The following GLIS3 variants were observed in gnomAD, a reference collection of about 807,000 sequenced individuals.
GLIS3 encodes zinc finger protein GLIS3.
In GLIS3, 53 loss-of-function variants were observed where a neutral mutation model predicts 78.6. That is an observed-to-expected ratio of 0.67 (90% CI 0.54 to 0.85). GLIS3 has a LOEUF of 0.85. GLIS3 is among the 40% of genes least tolerant of loss of function. The probability of loss-of-function intolerance (pLI) is 0.00; values close to 1 mark genes in which losing one functional copy is unlikely to be tolerated. For missense variants in GLIS3, 1,703 were observed against 1,231.1 expected (o/e 1.38, Z -5.74); for synonymous variants, 684 against 509.9 (o/e 1.34, Z -4.60).
At chr9:4,194,578 C>T (rs142591271) in intron 2 of GLIS3, among the ~76,000 whole-genome samples, 2 of 152,178 alleles carry the variant, frequency 1.3e-5, no homozygotes, top group South Asian at 2.1e-4. Context: ...AAGATGAACT[C>T]TGTGAGCTTT....
intron 9 of GLIS3, among the ~76,000 whole-genome samples, chr9:3,832,775 A>G (rs1818123172): frequency 6.6e-6 from 1 of 152,190 alleles, no homozygotes; most frequent in Non-Finnish European, 1.5e-5. Context: ...CTCTCCTCAT[A>G]TTTGTCACCC....
intron 8 of GLIS3, among the ~76,000 whole-genome samples, chr9:3,878,165 A>G (rs1821449117): frequency 6.6e-6 from 1 of 151,966 alleles, no homozygotes; most frequent in South Asian, 2.1e-4. Context: ...GTCTTCCTTC[A>G]ATGCCTACAT....
intron 2 of GLIS3, among the ~76,000 whole-genome samples, chr9:4,344,407 G>C (rs544318202): frequency 6.6e-6 from 1 of 152,268 alleles, no homozygotes; most frequent in African/African-American, 2.4e-5. Context: ...TTTTCTCCTT[G>C]AAATATTCTC....
chr9:3,936,967 A>G, intron 5 of GLIS3, 61 bp downstream of exon 5: 2 of 1,604,056 alleles, frequency 1.2e-6, no homozygotes, highest in Admixed American at 3.3e-5. Flanking sequence ...CCCACTATCA[A>G]GCAGGCACTT....
chr9:4,376,105 T>TA, the GLIS3 span, among the ~76,000 whole-genome samples: 8 of 152,114 alleles, frequency 5.3e-5, no homozygotes, highest in Non-Finnish European at 1.0e-4. Flanking sequence ...ACAGTTGGGT[T>TA]AGCAATCTGG....
intron 9 of GLIS3, among the ~76,000 whole-genome samples, chr9:3,831,357 T>A (rs977702107): frequency 6.6e-6 from 1 of 152,148 alleles, no homozygotes; most frequent in Non-Finnish European, 1.5e-5. Flanking sequence ...TAATTGATCA[T>A]CCAATATGAG....
intron 2 of GLIS3, among the ~76,000 whole-genome samples, chr9:4,167,817 C>T (rs1316990469): frequency 3.3e-5 from 5 of 152,184 alleles, no homozygotes; most frequent in African/African-American, 9.7e-5. Flanking sequence ...CTGGTTTACA[C>T]GGCACCTATG....
intron 2 of GLIS3, among the ~76,000 whole-genome samples, chr9:4,158,878 G>C (rs1564131354): frequency 6.6e-6 from 1 of 152,212 alleles, no homozygotes; most frequent in South Asian, 2.1e-4. Flanking sequence ...TGGCAGAAAA[G>C]GCCTATGGAA....
the GLIS3 span, among the ~76,000 whole-genome samples, chr9:4,419,927 TTATAA>T: frequency 6.6e-6 from 1 of 152,178 alleles, no homozygotes; most frequent in Non-Finnish European, 1.5e-5. Flanking sequence ...TTGGGGATTA[TTATAA>T]TTGAACATGA....
chr9:4,309,077 T>C (rs1013318051), intron 3 of GLIS3: 7 of 152,226 alleles, frequency 4.6e-5, no homozygotes, highest in Non-Finnish European at 1.0e-4. Context: ...ACATAATGTA[T>C]GATAAAAGCA....
chr9:4,481,032 T>A, the GLIS3 span, among the ~76,000 whole-genome samples: 49 of 152,184 alleles, frequency 3.2e-4, 1 homozygote, highest in Middle Eastern at 0.02. Flanking sequence ...TTTTTTGTAT[T>A]TTTTGTAGAG....
chr9:4,122,131 T>C (rs1313489838), intron 3 of GLIS3, among the ~76,000 whole-genome samples: 3 of 152,238 alleles, frequency 2.0e-5, no homozygotes, highest in African/African-American at 4.8e-5. Context: ...TTAGGGTGGC[T>C]GGTTAACCAA....
chr9:4,093,852 T>C (rs549588264), intron 4 of GLIS3, among the ~76,000 whole-genome samples: 20 of 152,206 alleles, frequency 1.3e-4, no homozygotes, highest in Non-Finnish European at 2.5e-4. Context: ...CAAGACAAGT[T>C]GACCAGAAGG....
At chr9:4,461,965 ATAT>A in the GLIS3 span, among the ~76,000 whole-genome samples, 1 of 152,212 alleles carries the variant, frequency 6.6e-6, no homozygotes, top group African/African-American at 2.4e-5. Flanking sequence ...TGTAATATAA[ATAT>A]TATAATAATT....
At chr9:4,262,753 G>A (rs555816549) in intron 2 of GLIS3, among the ~76,000 whole-genome samples, 2 of 152,076 alleles carry the variant, frequency 1.3e-5, no homozygotes, top group South Asian at 2.1e-4. Context: ...CCCATTTCCT[G>A]CTTCACATTG....
chr9:4,452,404 G>C, the GLIS3 span, among the ~76,000 whole-genome samples: 1 of 152,176 alleles, frequency 6.6e-6, no homozygotes, highest in Non-Finnish European at 1.5e-5. Flanking sequence ...CAGATGACAT[G>C]ATTGTATATT....
At chr9:4,244,139 T>G (rs1388724585) in intron 2 of GLIS3, among the ~76,000 whole-genome samples, 5 of 152,216 alleles carry the variant, frequency 3.3e-5, no homozygotes, top group African/African-American at 1.2e-4. Flanking sequence ...CCACCTCAGC[T>G]CATCCGTACT....
chr9:4,439,066 T>G, the GLIS3 span, among the ~76,000 whole-genome samples: 7 of 152,212 alleles, frequency 4.6e-5, no homozygotes. Flanking sequence ...CCTCACCACC[T>G]AGCATCTGTT....
At chr9:3,903,551 AG>A (rs1823463125) in intron 6 of GLIS3, among the ~76,000 whole-genome samples, 1 of 152,210 alleles carries the variant, frequency 6.6e-6, no homozygotes, top group African/African-American at 2.4e-5. Context: ...TTGGTTCCAG[AG>A]TGGCTCTGCC....
Sources: gnomAD v4.1 joint callset for allele counts (sites outside exome capture counted in the v4.1 genomes callset) on GRCh38, gnomAD v4.1.1 for gene constraint, MANE v1.5 for transcripts, NCBI Gene and HGNC (gene_info 2026-07-23, HGNC 2026-07-21) for gene names.